The following TANK variants were observed in gnomAD, a reference collection of about 807,000 sequenced individuals.
The protein encoded by TANK is TRAF family member associated NFKB activator.
Under a neutral mutation model 43.6 loss-of-function variants are expected in TANK, and 15 were observed. The ratio of observed to expected loss-of-function variants is 0.34; its 90% CI spans 0.23 to 0.53. The LOEUF is 0.53. Ranked by LOEUF, TANK falls within the 20% of genes least tolerant of loss-of-function variation. The pLI, the probability that TANK is intolerant of heterozygous loss-of-function variation, is 0.94. For missense variants in TANK, 417 were observed against 498.6 expected, an observed-to-expected ratio of 0.84 and a Z score of 1.56; for synonymous variants, 162 against 178.2, an observed-to-expected ratio of 0.91 and a Z score of 0.73.
At chr2:161,185,295 C>T (rs554826681) in intron 2 of TANK, among the ~76,000 whole-genome samples, 3 of 151,918 alleles carry the variant, frequency 2.0e-5, no homozygotes, top group Non-Finnish European at 4.4e-5. Context: ...AACTGAGAAG[C>T]CAATTGCATT....
At chr2:161,165,621 C>G (rs1183728567) in intron 1 of TANK, among the ~76,000 whole-genome samples, 1 of 152,020 alleles carries the variant, frequency 6.6e-6, no homozygotes, top group Non-Finnish European at 1.5e-5. Context: ...CCCATACAGT[C>G]CTACTCCTCC....
At chr2:161,215,465 G>A (rs1012803335) in intron 4 of TANK, among the ~76,000 whole-genome samples, 2 of 152,096 alleles carry the variant, frequency 1.3e-5, no homozygotes, top group African/African-American at 2.4e-5. Flanking sequence ...AGCAGACTCT[G>A]AATTTTGACT....
chr2:161,211,997 ATAAC>A (rs754942205), intron 4 of TANK: 3 of 935,118 alleles, frequency 3.2e-6, no homozygotes, highest in Non-Finnish European at 3.8e-6. Context: ...AGAAAGGAAA[ATAAC>A]TATCTTCAAC....
intron 1 of TANK, among the ~76,000 whole-genome samples, chr2:161,143,483 T>C (rs930516204): frequency 1.3e-5 from 2 of 152,180 alleles, no homozygotes; most frequent in Admixed American, 6.5e-5. Context: ...TTTTGAGATA[T>C]GTTCCATCAA....
intron 1 of TANK, among the ~76,000 whole-genome samples, chr2:161,168,879 A>G (rs1411981494): frequency 6.6e-6 from 1 of 152,198 alleles, no homozygotes. Flanking sequence ...AATAAACAGA[A>G]GCTAGAAGAT....
At chr2:161,200,321 G>T in intron 2 of TANK, 1 of 981,662 alleles carries the variant, frequency 1.0e-6, no homozygotes, top group South Asian at 4.7e-5. Flanking sequence ...AAAATACTAT[G>T]ACTGTGCAAC....
intron 1 of TANK, among the ~76,000 whole-genome samples, chr2:161,170,293 CTA>C (rs1162592873): frequency 6.6e-6 from 1 of 152,082 alleles, no homozygotes; most frequent in Non-Finnish European, 1.5e-5. Context: ...TTTGTTTTCT[CTA>C]TTAATTAAGT....
At chr2:161,224,354 G>C (rs1334231516) in intron 5 of TANK, among the ~76,000 whole-genome samples, 1 of 151,936 alleles carries the variant, frequency 6.6e-6, no homozygotes, top group Non-Finnish European at 1.5e-5. Context: ...TCTAATGTGA[G>C]AATAAGACAG....
At chr2:161,154,661 T>C (rs916785324) in intron 1 of TANK, among the ~76,000 whole-genome samples, 1 of 152,218 alleles carries the variant, frequency 6.6e-6, no homozygotes, top group African/African-American at 2.4e-5. Context: ...TGATTGAATG[T>C]TGGGAATTAA....
In TANK at chr2:161,184,744, T is replaced by C. The variant is rs148529254; in HGVS notation, c.99+4983T>C. On this transcript the variant is annotated intron_variant, in intron 2 of 7. Coordinates refer to ENST00000392749, the MANE Select transcript of TANK (RefSeq NM_001199135.3). ...TGGTGCTGATGACTGAAACCAAGGA[T>C]GGATAAGAGGGTACAAATTTGGGGT... Among the ~76,000 whole-genome samples the C allele has an allele frequency of 5.9e-3, 896 of 152,156 alleles. 12 individuals are homozygous for C. Among genetic ancestry groups the C allele is most frequent in the African/African-American group, 0.02 (840 of 41,524 alleles).
intron 2 of TANK, among the ~76,000 whole-genome samples, chr2:161,198,892 G>A (rs1686278420): frequency 6.6e-6 from 1 of 152,168 alleles, no homozygotes; most frequent in Non-Finnish European, 1.5e-5. Context: ...TGGAGGGTGG[G>A]AACGTACAGG....
rs778234269 is a variant in TANK at position 161,140,012 on chromosome 2, TAGA to T, written c.-50+2952_-50+2954del. ...AATTTTTAATATTCATATTCAAAACTAGAAGGTTAGTATTTTTGTTTTTATATT... is the reference window on the plus strand; with the variant it reads ...AATTTTTAATATTCATATTCAAAACTAGGTTAGTATTTTTGTTTTTATATT... On this transcript the variant is annotated intron_variant, in intron 1 of 7. Transcript: ENST00000259075. 2.9e-5 allele frequency: 23 copies of T among 796,206 alleles called. No homozygotes were observed. The South Asian group carries it at 5.2e-4, about 18-fold the overall frequency. The allele number at this position is 796,206 out of a possible 1,614,324, so 49.3% of individuals were successfully genotyped here.
rs1003056162 is a variant in TANK, at chr2:161,137,253, G to A, written c.-50+190G>A. On this transcript the variant is annotated intron_variant, in intron 1 of 7. Coordinates refer to the TANK transcript ENST00000259075. ...GGCCTTTAAAAAATGGCTGGACGTG[G>A]TGGGTCATGCCTATAATCCTAGCAC... 7.1e-6 allele frequency: 7 copies of A among 985,042 alleles called. No individual in the cohort carries two copies. In the African/African-American group the frequency reaches 1.2e-4, roughly 17 times the overall value. 61.0% of individuals were successfully genotyped at this position (985,042 alleles called of 1,614,324 possible).
chr2:161,194,972 T>G (rs900027513), intron 2 of TANK, among the ~76,000 whole-genome samples: 9 of 152,216 alleles, frequency 5.9e-5, no homozygotes, highest in African/African-American at 1.9e-4. Flanking sequence ...CCAGGTAGTT[T>G]CTGATCAAAG....
intron 2 of TANK, among the ~76,000 whole-genome samples, chr2:161,190,168 AG>A (rs1182253366): frequency 6.6e-6 from 1 of 152,190 alleles, no homozygotes; most frequent in Non-Finnish European, 1.5e-5. Context: ...GGGGCTTTAG[AG>A]ATTTCTCCAA....
chr2:161,190,356 T>C (rs1685858386), intron 2 of TANK, among the ~76,000 whole-genome samples: 1 of 152,156 alleles, frequency 6.6e-6, no homozygotes, highest in African/African-American at 2.4e-5. Flanking sequence ...CTAGTAGGAA[T>C]GTAAAATAAT....
In TANK at chr2:161,203,523, G is replaced by C; in HGVS notation, c.136G>C (p.Glu46Gln). ...NYEQRIREQQ[E>Q]QLSLQQTIID... Reference sequence around the variant, plus strand: ...TGAGCAGAGAATACGTGAACAACAGGAACAGCTGTCACTTCAACAGACTAT... The same window carrying C: ...TGAGCAGAGAATACGTGAACAACAGCAACAGCTGTCACTTCAACAGACTAT... The change falls in exon 3 of 8, where the codon GAA becomes CAA. Residue 46 changes from glutamate to glutamine, a missense_variant. Transcript: ENST00000392749. 6.2e-7 allele frequency: 1 copy of C among 1,612,252 alleles called. No individual in the cohort carries two copies. The highest frequency in any genetic ancestry group is 8.5e-7 in the Non-Finnish European group (1 of 1,179,396).
Position 161,224,004 on chromosome 2 carries a change from C to A in TANK, c.404+13C>A. 1.3e-6 allele frequency: 2 copies of A among 1,535,772 alleles called. No individual in the cohort carries two copies. Among genetic ancestry groups the A allele is most frequent in the East Asian group, 2.3e-5 (1 of 43,930 alleles). On this transcript the variant is annotated intron_variant, in intron 5 of 7. Coordinates refer to ENST00000392749, the MANE Select transcript of TANK (RefSeq NM_001199135.3). ...TGCTCCATGAAAGGTAGTTCTACATCCTTTTTTCTCAACTCTTAAAAATTA... is the reference window on the plus strand; with the variant it reads ...TGCTCCATGAAAGGTAGTTCTACATACTTTTTTCTCAACTCTTAAAAATTA...
chr2:161,204,588 T>G, intron 3 of TANK, 87 bp from the exon 4 acceptor site: 2 of 1,224,072 alleles, frequency 1.6e-6, no homozygotes, highest in Non-Finnish European at 2.3e-6. Context: ...CTCTTTATGG[T>G]TTTGAGTTTG....
Sources: gnomAD v4.1 joint callset for allele counts (sites outside exome capture counted in the v4.1 genomes callset) on GRCh38, gnomAD v4.1.1 for gene constraint, MANE v1.5 for transcripts, NCBI Gene and HGNC (gene_info 2026-07-23, HGNC 2026-07-21) for gene names.